The following SGSM3 variants were observed in gnomAD, a reference collection of about 807,000 sequenced individuals.
SGSM3 encodes small G protein signaling modulator 3.
SGSM3 carries 96 observed loss-of-function variants against 100.5 expected under a neutral mutation model. The ratio of observed to expected loss-of-function variants is 0.96; its 90% CI spans 0.81 to 1.13. The LOEUF is 1.13. Among genes scored for constraint, SGSM3 ranks in the 50% most tolerant of loss-of-function variants. The pLI is 0.00. For missense variants in SGSM3, 1,001 were observed against 1,015.8 expected (o/e 0.99, Z 0.20); for synonymous variants, 483 against 422.8 (o/e 1.14, Z -1.75).
At chr22:40,396,592 C>CA (rs778373023) in intron 1 of SGSM3, among the ~76,000 whole-genome samples, 1,168 of 43,022 alleles carry the variant, frequency 0.027, 24 homozygotes, top group African/African-American at 0.033. Context: ...GACTCTGTCT[C>CA]AAAAAAAAAA....
Position 40,373,471 on chromosome 22 carries a change from ATATC to A in SGSM3, c.-112+2786_-112+2789del, listed in dbSNP as rs571766400. ...TGAATTCCTCTCAACGATTTATTGA[ATATC>A]TACTGTGTATATCATCTTCTAGACT... On this transcript the variant is annotated intron_variant, in intron 1 of 21. Transcript: ENST00000248929. The A allele has an allele frequency of 2.4e-4, 36 of 152,342 alleles. No homozygotes were observed. The East Asian group carries it at 6.0e-3, about 25-fold the overall frequency. The allele number at this position is 152,342 out of a possible 1,614,324, so 9.4% of individuals were successfully genotyped here.
chr22:40,410,093 G>GTCTA lies in SGSM3; in HGVS notation c.*337_*338insATCT, dbSNP rs1351871961. 2 of 1,200,982 alleles carry GTCTA rather than the reference G, an allele frequency of 1.7e-6. No homozygotes were observed. Among genetic ancestry groups the GTCTA allele is most frequent in the Non-Finnish European group, 2.1e-6 (2 of 966,422 alleles). 74.4% of individuals were successfully genotyped at this position (1,200,982 alleles called of 1,614,324 possible). A position where few individuals can be genotyped will look rare whatever the true frequency, so the allele number is the denominator to read the frequency against. The stretch of plus-strand genomic sequence containing the variant: ...CCTCTTTGGTTTATAAATAAACTGT[G>GTCTA]TCTGTCTTTGAGAAAGCACCTACCT... On this transcript the variant is annotated 3_prime_UTR_variant, in exon 22 of 22. Transcript: ENST00000248929.
At chr22:40,382,055 G>C (rs1191118619) in intron 1 of SGSM3, among the ~76,000 whole-genome samples, 1 of 152,146 alleles carries the variant, frequency 6.6e-6, no homozygotes, top group Non-Finnish European at 1.5e-5. Context: ...TCACTGTCCT[G>C]TCTAGGATCT....
chr22:40,392,738 C>T (rs1325684657), intron 1 of SGSM3, among the ~76,000 whole-genome samples: 2 of 152,164 alleles, frequency 1.3e-5, no homozygotes, highest in East Asian at 3.9e-4. Flanking sequence ...ACCAGTTTTT[C>T]GTACATTCAC....
intron 1 of SGSM3, among the ~76,000 whole-genome samples, chr22:40,385,355 CTTTGT>C (rs1003975549): frequency 2.6e-5 from 4 of 152,194 alleles, no homozygotes; most frequent in East Asian, 3.9e-4. Flanking sequence ...GGGATAGTTG[CTTTGT>C]TTTGTTTTGT....
rs371032247 is a variant in SGSM3, at chr22:40,407,737, C to T, written c.1525-52C>T. On this transcript the variant is annotated intron_variant, in intron 13 of 21. Coordinates refer to ENST00000248929, the MANE Select transcript of SGSM3 (RefSeq NM_015705.6). The surrounding 1 kb of genome is among the most constrained non-coding windows in gnomAD (Gnocchi z 4.7). ...GGAGTCATATCGGGGGTGCAGGAGG[C>T]GCTGGCCCAGGGCACCCAGCTTTGG... is the stretch of plus-strand genomic sequence containing the variant. 68 of 1,602,396 alleles carry T rather than the reference C, an allele frequency of 4.2e-5. No homozygotes were observed. The highest frequency in any genetic ancestry group is 6.7e-5 in the African/African-American group (5 of 74,690).
At chr22:40,400,994 TCTC>T (rs1309064186) in intron 2 of SGSM3, among the ~76,000 whole-genome samples, 181 bp downstream of exon 2, 1 of 152,132 alleles carries the variant, frequency 6.6e-6, no homozygotes, top group Admixed American at 6.5e-5. Context: ...GCTCTCTAGC[TCTC>T]CTCCTCCAGC....
intron 1 of SGSM3, among the ~76,000 whole-genome samples, chr22:40,375,103 A>G (rs2046331121): frequency 1.3e-5 from 2 of 152,176 alleles, no homozygotes. Context: ...GGCACAGTTA[A>G]CTATTAACTG....
intron 1 of SGSM3, among the ~76,000 whole-genome samples, chr22:40,371,186 A>G (rs558993713): frequency 1.1e-4 from 17 of 152,322 alleles, no homozygotes; most frequent in African/African-American, 3.8e-4. Context: ...GTGTGTTTGC[A>G]TTTTAGCACG....
At chr22:40,390,139 A>G (rs555642510) in intron 1 of SGSM3, 1 of 152,324 alleles carries the variant, frequency 6.6e-6, no homozygotes, top group Admixed American at 6.5e-5. Context: ...TTTCATTTTT[A>G]TGTTGAATTA....
At chr22:40,371,046 G>A (rs2045342842) in intron 1 of SGSM3, among the ~76,000 whole-genome samples, 1 of 152,238 alleles carries the variant, frequency 6.6e-6, no homozygotes, top group Non-Finnish European at 1.5e-5. Flanking sequence ...TTTCTAAAAA[G>A]AGCCTGGCTG....
intron 1 of SGSM3, among the ~76,000 whole-genome samples, chr22:40,384,296 A>G (rs956363592): frequency 6.6e-6 from 1 of 152,138 alleles, no homozygotes; most frequent in African/African-American, 2.4e-5. Flanking sequence ...CCTAAACCTT[A>G]GGATCTGAAT....
At chr22:40,405,904 C>G in intron 8 of SGSM3, 60 bp downstream of exon 8, 1 of 1,541,812 alleles carries the variant, frequency 6.5e-7, no homozygotes. Flanking sequence ...AGGCGGGTGG[C>G]CGAGTGGGGA....
intron 1 of SGSM3, among the ~76,000 whole-genome samples, chr22:40,384,544 G>C (rs1384538766): frequency 1.3e-5 from 2 of 152,182 alleles, no homozygotes; most frequent in Non-Finnish European, 2.9e-5. Flanking sequence ...ACTTTGGAAG[G>C]CCAAGGTGGG....
intron 1 of SGSM3, 49 bp downstream of exon 1, chr22:40,370,737 C>T (rs1195705405): frequency 6.6e-6 from 1 of 152,646 alleles, no homozygotes; most frequent in Non-Finnish European, 1.5e-5. Context: ...CCTACAAGTT[C>T]CCCTCAGGCG....
chr22:40,384,596 C>T (rs1237403368), intron 1 of SGSM3, among the ~76,000 whole-genome samples: 4 of 152,124 alleles, frequency 2.6e-5, no homozygotes, highest in East Asian at 1.9e-4. Flanking sequence ...CTGGCTAACA[C>T]GGTGAAACCC....
rs2051953582 is a variant in SGSM3 at position 40,408,302 on chromosome 22, TG to T, written c.1656del (p.Thr553ArgfsTer24). The T allele has an allele frequency of 6.2e-7, 1 of 1,613,418 alleles. No homozygotes were observed. The highest frequency in any genetic ancestry group is 8.5e-7 in the Non-Finnish European group (1 of 1,179,978). ...TACTCCATCGCGGGGGATGACTCGG[TG>T]ACGGAGGGGGTCACAGACCTCGTGC... ...KEYSIAGDDS[V>X]TEGVTDLVRG... On this transcript the variant is annotated frameshift_variant, in exon 16 of 22. Coordinates refer to ENST00000248929, the MANE Select transcript of SGSM3 (RefSeq NM_015705.6). LOFTEE classifies it high-confidence loss of function.
intron 1 of SGSM3, among the ~76,000 whole-genome samples, chr22:40,389,601 A>G (rs868074430): frequency 2.6e-5 from 2 of 76,614 alleles, no homozygotes; most frequent in African/African-American, 4.9e-5. Flanking sequence ...TCCGTCTCAG[A>G]AAAAAAAAAA....
At chr22:40,377,965 A>G (rs376332885) in intron 1 of SGSM3, among the ~76,000 whole-genome samples, 19 of 152,326 alleles carry the variant, frequency 1.2e-4, no homozygotes, top group African/African-American at 4.6e-4. Context: ...AAGTACCCCT[A>G]AAAAGACCAA....
Sources: allele counts gnomAD v4.1 joint callset (sites outside exome capture counted in the v4.1 genomes callset), GRCh38; gene constraint gnomAD v4.1.1; non-coding constraint Gnocchi (gnomAD v3.1); transcripts MANE v1.5; gene names NCBI Gene and HGNC (gene_info 2026-07-23, HGNC 2026-07-21).